GALNT10: variants seen among roughly 807,000 people sequenced by gnomAD.
GALNT10 encodes the protein polypeptide N-acetylgalactosaminyltransferase 10.
A neutral mutation model predicts 75.0 loss-of-function variants in GALNT10; 41 were observed. That is an observed-to-expected ratio of 0.55 (90% confidence interval 0.43 to 0.71). GALNT10 has a LOEUF of 0.71. Ranked by LOEUF, GALNT10 falls within the 30% of genes least tolerant of loss-of-function variation. GALNT10 has a pLI of 0.00. For synonymous variants in GALNT10, 302 were observed against 313.0 expected (o/e 0.96, Z 0.37); for missense variants, 727 against 818.5 (o/e 0.89, Z 1.36).
chr5:154,363,492 GAAAAAAA>G (rs57710576), intron 4 of GALNT10, among the ~76,000 whole-genome samples: 5 of 37,516 alleles, frequency 1.3e-4, no homozygotes, highest in Admixed American at 4.4e-4. Flanking sequence ...GCGTTTATCT[GAAAAAAA>G]AAAAAAAAAA....
chr5:154,338,351 G>A (rs905659261), intron 4 of GALNT10: 5 of 481,508 alleles, frequency 1.0e-5, no homozygotes, highest in African/African-American at 9.8e-5. Context: ...TTGAGGCTGA[G>A]ATTTGAGACC....
At chr5:154,311,613 C>CT (rs67653636) in intron 3 of GALNT10, among the ~76,000 whole-genome samples, 282 of 140,594 alleles carry the variant, frequency 2.0e-3, no homozygotes, top group African/African-American at 3.2e-3. Flanking sequence ...AGAATGGAGA[C>CT]TTTTTTTTTT....
intron 4 of GALNT10, among the ~76,000 whole-genome samples, chr5:154,332,616 T>C (rs943849476): frequency 6.6e-6 from 1 of 152,008 alleles, no homozygotes; most frequent in Non-Finnish European, 1.5e-5. Context: ...TGGAAGGAGG[T>C]GATTAGTAAA....
intron 7 of GALNT10, among the ~76,000 whole-genome samples, chr5:154,400,719 A>T (rs1756144103): frequency 6.6e-6 from 1 of 152,158 alleles, no homozygotes; most frequent in Admixed American, 6.5e-5. Flanking sequence ...GCCCCTGAGG[A>T]GGTGGCTCTT....
intron 1 of GALNT10, among the ~76,000 whole-genome samples, chr5:154,208,330 T>A (rs1775141369): frequency 6.6e-6 from 1 of 152,188 alleles, no homozygotes; most frequent in African/African-American, 2.4e-5. Context: ...AGGATTCACG[T>A]TAGCCTTCAC....
At chr5:154,195,928 T>G (rs971112725) in intron 1 of GALNT10, among the ~76,000 whole-genome samples, 3 of 152,200 alleles carry the variant, frequency 2.0e-5, no homozygotes, top group Admixed American at 1.3e-4. Context: ...GTTTTTGTTT[T>G]TGTTTTTTTT....
In GALNT10 at chr5:154,273,560, G is replaced by A. The variant is rs1371743296; in HGVS notation, c.160-21256G>A. On this transcript the variant is annotated intron_variant, in intron 1 of 11. Coordinates refer to ENST00000297107, the MANE Select transcript of GALNT10 (RefSeq NM_198321.4). ...CCCTGAGCCTGGCCAAATAACCTCA[G>A]ACAAGCCAATCCCTGGGGCTCAGTT... Among the ~76,000 whole-genome samples, 4 of 152,254 alleles carry A rather than the reference G, an allele frequency of 2.6e-5. No individual in the cohort carries two copies. The East Asian group carries it at 7.7e-4, about 29-fold the overall frequency.
At chr5:154,395,076 T>C (rs990223150) in intron 7 of GALNT10, among the ~76,000 whole-genome samples, 4 of 152,260 alleles carry the variant, frequency 2.6e-5, no homozygotes, top group Admixed American at 6.5e-5. Context: ...GTCGCCTGTG[T>C]GTATGTTACT....
At chr5:154,375,033 T>A (rs1304071884) in intron 4 of GALNT10, among the ~76,000 whole-genome samples, 1 of 152,198 alleles carries the variant, frequency 6.6e-6, no homozygotes, top group African/African-American at 2.4e-5. Flanking sequence ...TTAAAACAAC[T>A]AAGTAAATTG....
chr5:154,367,367 T>C (rs1416769168), intron 4 of GALNT10, among the ~76,000 whole-genome samples: 1 of 152,136 alleles, frequency 6.6e-6, no homozygotes, highest in Non-Finnish European at 1.5e-5. Flanking sequence ...TTGGGATATG[T>C]GTTCATTTGT....
In GALNT10 at chr5:154,190,945, C is replaced by T. The variant is rs1774849319; in HGVS notation, c.79C>T (p.Leu27Phe). The part of the protein sequence containing the change: ...AALVLLPNVG[L>F]WALYRERQPD... ...CCTGGTCCTCCTGCCCAACGTGGGG[C>T]TTTGGGCGCTGTACCGCGAGCGGCA... Residue 27 changes from leucine to phenylalanine, a missense_variant, in exon 1 of 12, where the codon CTT (leucine) becomes TTT (phenylalanine). Leu to Phe is a conservative substitution (Grantham distance 22). Coordinates refer to ENST00000297107, the MANE Select transcript of GALNT10 (RefSeq NM_198321.4). 6.6e-7 allele frequency: 1 copy of T among 1,511,446 alleles called. No individual in the cohort carries two copies. Among genetic ancestry groups the T allele is most frequent in the African/African-American group, 1.4e-5 (1 of 70,912 alleles). 93.6% of individuals were successfully genotyped at this position (1,511,446 alleles called of 1,614,324 possible). A position where few individuals can be genotyped will look rare whatever the true frequency, so the allele number is the denominator to read the frequency against.
At chr5:154,321,390 G>A (rs1464794947) in intron 3 of GALNT10, among the ~76,000 whole-genome samples, 1 of 151,256 alleles carries the variant, frequency 6.6e-6, no homozygotes, top group African/African-American at 2.4e-5. Flanking sequence ...CTGCAACCTC[G>A]TCTGCCTCCC....
At chr5:154,313,304 T>C (rs1445136744) in intron 3 of GALNT10, among the ~76,000 whole-genome samples, 1 of 147,976 alleles carries the variant, frequency 6.8e-6, no homozygotes, top group Non-Finnish European at 1.5e-5. Context: ...AGCGAGACTC[T>C]TGAAAAAAAA....
intron 1 of GALNT10, among the ~76,000 whole-genome samples, chr5:154,253,604 T>G (rs933423460): frequency 6.6e-6 from 1 of 151,874 alleles, no homozygotes; most frequent in Non-Finnish European, 1.5e-5. Context: ...GGATTTGACA[T>G]CAGTACTTTT....
chr5:154,362,678 A>C lies in GALNT10; in HGVS notation c.569-13599A>C, dbSNP rs182405701. Among the ~76,000 whole-genome samples the C allele has an allele frequency of 4.3e-4, 66 of 152,310 alleles. No homozygotes were observed. In the East Asian group the frequency reaches 9.6e-3, roughly 22 times the overall value. Reference sequence around the variant, plus strand: ...GCTGGAGGGGGGTCTTCGAGGCTACACAGTTCAACTATTTCTCCAATATTT... The same window carrying C: ...GCTGGAGGGGGGTCTTCGAGGCTACCCAGTTCAACTATTTCTCCAATATTT... On this transcript the variant is annotated intron_variant, in intron 4 of 11. Transcript: ENST00000297107.
chr5:154,263,804 A>G (rs925235023), intron 1 of GALNT10, among the ~76,000 whole-genome samples: 1 of 152,128 alleles, frequency 6.6e-6, no homozygotes, highest in African/African-American at 2.4e-5. Flanking sequence ...TCCTAATACC[A>G]TTACCTTTGG....
At position 154,352,604 on chromosome 5, in the gene GALNT10, T is replaced by C. The variant is rs1755227772; in HGVS notation, c.568+22866T>C. On this transcript the variant is annotated intron_variant, in intron 4 of 11. Coordinates refer to ENST00000297107, the MANE Select transcript of GALNT10 (RefSeq NM_198321.4). The surrounding 1 kb of genome is among the most constrained non-coding windows in gnomAD (Gnocchi z 4.4). ...CTGGGCTGGGTGGGCCCCAGGTACCTACCACTGCTTTCTACCATCTTGCCC... is the reference window on the plus strand; with the variant it reads ...CTGGGCTGGGTGGGCCCCAGGTACCCACCACTGCTTTCTACCATCTTGCCC... Among the ~76,000 whole-genome samples the C allele has an allele frequency of 6.6e-6, 1 of 152,206 alleles. No individual in the cohort carries two copies.
intron 1 of GALNT10, among the ~76,000 whole-genome samples, chr5:154,270,284 A>T (rs745324780): frequency 1.3e-5 from 2 of 148,816 alleles, no homozygotes; most frequent in African/African-American, 2.5e-5. Flanking sequence ...TTCCTCATGC[A>T]TACTAGATCT....
intron 4 of GALNT10, among the ~76,000 whole-genome samples, chr5:154,362,680 A>G (rs1755411810): frequency 6.6e-6 from 1 of 152,216 alleles, no homozygotes; most frequent in African/African-American, 2.4e-5. Context: ...GAGGCTACAC[A>G]GTTCAACTAT....
Sources: allele counts gnomAD v4.1 joint callset (sites outside exome capture counted in the v4.1 genomes callset), GRCh38; gene constraint gnomAD v4.1.1; non-coding constraint Gnocchi (gnomAD v3.1); transcripts MANE v1.5; gene names NCBI Gene and HGNC (gene_info 2026-07-23, HGNC 2026-07-21).